The following TSPEAR variants were observed in gnomAD, a reference collection of about 807,000 sequenced individuals.
The protein encoded by TSPEAR is thrombospondin-type laminin G domain and EAR repeat-containing protein.
TSPEAR carries 69 observed loss-of-function variants against 71.6 expected under a neutral mutation model. The ratio of observed to expected loss-of-function variants is 0.96; its 90% CI spans 0.79 to 1.18. The LOEUF is 1.18. Ranked by LOEUF, TSPEAR falls within the 50% of genes most tolerant of loss-of-function variation. The pLI, the probability that TSPEAR is intolerant of heterozygous loss-of-function variation, is 0.00. For missense variants in TSPEAR, 971 were observed against 894.9 expected, an observed-to-expected ratio of 1.09 and a Z score of -1.09; for synonymous variants, 402 against 387.2, an observed-to-expected ratio of 1.04 and a Z score of -0.45.
chr21:44,697,898 TC>T, intron 1 of TSPEAR: 1 of 1,612,524 alleles, frequency 6.2e-7, no homozygotes, highest in Non-Finnish European at 8.5e-7. Flanking sequence ...CTCCTGCGGG[TC>T]CCTCCTCTGC....
rs201563690 is a variant in TSPEAR at position 44,601,499 on chromosome 21, G to A, written c.83-33494C>T. The A allele has an allele frequency of 1.1e-3, 1,725 of 1,612,800 alleles. 3 individuals carry two copies. Among genetic ancestry groups the A allele is most frequent in the South Asian group, 3.1e-3 (285 of 90,934 alleles). ...ACTTCATGCTGCCAGCAGTCTAGCTGCCAGCCGGCTTGCTGCACCACCTCC... is the reference window on the plus strand; with the variant it reads ...ACTTCATGCTGCCAGCAGTCTAGCTACCAGCCGGCTTGCTGCACCACCTCC... On this transcript the variant is annotated intron_variant, in intron 1 of 11. Transcript: ENST00000323084.
chr21:44,705,407 A>G (rs1987860803), intron 1 of TSPEAR, among the ~76,000 whole-genome samples: 1 of 152,270 alleles, frequency 6.6e-6, no homozygotes, highest in Admixed American at 6.5e-5. Flanking sequence ...TCAGGGAATA[A>G]GAGAGATAAC....
intron 2 of TSPEAR, chr21:44,550,794 G>A (rs2053404261): frequency 6.2e-7 from 1 of 1,612,350 alleles, no homozygotes. Context: ...GCAGCAGGAG[G>A]AGGTGCAGCA....
At chr21:44,621,214 A>T (rs1555933450) in intron 1 of TSPEAR, among the ~76,000 whole-genome samples, 1 of 152,216 alleles carries the variant, frequency 6.6e-6, no homozygotes, top group African/African-American at 2.4e-5. Context: ...TTCCTTATTG[A>T]ATAAAAATTT....
chr21:44,637,436 T>C, intron 1 of TSPEAR: 3 of 1,609,136 alleles, frequency 1.9e-6, no homozygotes, highest in Non-Finnish European at 2.5e-6. Context: ...CTCCACCATG[T>C]CCATCTGCTC....
chr21:44,677,304 CACTTAGCA>C (rs1399869636), intron 1 of TSPEAR: 2 of 888,738 alleles, frequency 2.3e-6, no homozygotes, highest in African/African-American at 3.3e-5. Flanking sequence ...CACTGTGTGC[CACTTAGCA>C]GACTTCTTCT....
At chr21:44,659,856 T>C (rs781907663) in intron 1 of TSPEAR, among the ~76,000 whole-genome samples, 2 of 152,200 alleles carry the variant, frequency 1.3e-5, no homozygotes, top group Non-Finnish European at 2.9e-5. Flanking sequence ...ACAATAACTA[T>C]AATGAATAGA....
At chr21:44,545,107 C>T (rs2053280399) in intron 2 of TSPEAR, among the ~76,000 whole-genome samples, 1 of 151,504 alleles carries the variant, frequency 6.6e-6, no homozygotes, top group East Asian at 1.9e-4. Flanking sequence ...ATCACAAGGT[C>T]AGGAGATCGA....
intron 1 of TSPEAR, chr21:44,580,629 G>A (rs782175581): frequency 1.9e-6 from 3 of 1,545,326 alleles, no homozygotes; most frequent in Admixed American, 3.5e-5. Flanking sequence ...GTGAGTGAGT[G>A]AGTGTGTGAG....
rs138358770 is a variant in TSPEAR at position 44,504,857 on chromosome 21, C to T, written c.1779G>A (p.Ser593=). The stretch of plus-strand genomic sequence containing the variant: ...CCACCAGGAAATAATCTTCTCCCAC[C>T]GAGAAAAACTCCCAGTCCAGAGCAC... ...TCSALDWEFF[S]VGEDYFLVVA... is the part of the protein sequence containing the mutation. Residue 593 remains serine, a synonymous_variant, in exon 11 of 12, where the codon TCG becomes TCA. Transcript: ENST00000323084. 1,229 of 1,613,772 alleles carry T rather than the reference C, an allele frequency of 7.6e-4. 10 individuals are homozygous for T. In the African/African-American group the frequency reaches 0.014, roughly 18 times the overall value.
intron 2 of TSPEAR, among the ~76,000 whole-genome samples, chr21:44,545,405 A>AGG (rs1555917665): frequency 2.6e-5 from 4 of 152,168 alleles, no homozygotes; most frequent in Non-Finnish European, 5.9e-5. Flanking sequence ...AGAACCCCCT[A>AGG]AACAGGTCTA....
intron 1 of TSPEAR, among the ~76,000 whole-genome samples, chr21:44,633,898 A>G (rs1243664060): frequency 1.3e-5 from 2 of 152,036 alleles, no homozygotes; most frequent in African/African-American, 2.4e-5. Flanking sequence ...TATGCTTGAT[A>G]TATCTTGGGG....
Position 44,711,399 on chromosome 21 carries a change from T to C in TSPEAR, c.82+34A>G. The C allele has an allele frequency of 3.9e-6, 6 of 1,554,306 alleles. No homozygotes were observed. The highest frequency in any genetic ancestry group is 1.9e-5 in the Admixed American group (1 of 51,718). ...CACCCCTCCCAGCTCCCCGGCAAGA[T>C]ACCCCCGCCCGAGTTCCCATGCCCC... On this transcript the variant is annotated intron_variant, in intron 1 of 11. Transcript: ENST00000323084. The surrounding 1 kb of genome is among the most constrained non-coding windows in gnomAD (Gnocchi z 4.5).
At chr21:44,545,047 C>T (rs587613398) in intron 2 of TSPEAR, among the ~76,000 whole-genome samples, 24 of 151,304 alleles carry the variant, frequency 1.6e-4, no homozygotes, top group Non-Finnish European at 2.2e-4. Flanking sequence ...AGGCCAGGCG[C>T]GGTGGCTCAC....
At chr21:44,532,150 C>T (rs957371064) in intron 3 of TSPEAR, among the ~76,000 whole-genome samples, 2 of 152,242 alleles carry the variant, frequency 1.3e-5, no homozygotes, top group South Asian at 4.1e-4. Flanking sequence ...TCTTCCGTGG[C>T]CACAATTGGT....
chr21:44,509,227 C>CA lies in TSPEAR; in HGVS notation c.1725dup (p.Val576CysfsTer118). On this transcript the variant is annotated frameshift_variant, in exon 10 of 12. Coordinates refer to ENST00000323084, the MANE Select transcript of TSPEAR (RefSeq NM_144991.3). LOFTEE classifies it high-confidence loss of function. ...CAGGTGAGAATGTCCTGGAACTTGA[C>CA]AAAGGCCTGCGCGGTCACGTTCAGC... The CA allele has an allele frequency of 6.2e-7, 1 of 1,614,020 alleles. No homozygotes were observed. The highest frequency in any genetic ancestry group is 8.5e-7 in the Non-Finnish European group (1 of 1,180,004).
At chr21:44,570,751 AC>A (rs2053781334) in intron 1 of TSPEAR, among the ~76,000 whole-genome samples, 1 of 152,174 alleles carries the variant, frequency 6.6e-6, no homozygotes. Flanking sequence ...AACTGATTAA[AC>A]CCAAGCTGGT....
intron 1 of TSPEAR, chr21:44,697,597 C>G: frequency 1.5e-5 from 25 of 1,614,098 alleles, no homozygotes; most frequent in Non-Finnish European, 2.1e-5. Context: ...CTTCATGCTG[C>G]CAGCAGTCTA....
chr21:44,703,490 C>A (rs1211040552), intron 1 of TSPEAR, among the ~76,000 whole-genome samples: 1 of 152,206 alleles, frequency 6.6e-6, no homozygotes, highest in Non-Finnish European at 1.5e-5. Context: ...AGGTTGGCTT[C>A]TGTGCAGGGC....
Sources: gnomAD v4.1 joint callset for allele counts (sites outside exome capture counted in the v4.1 genomes callset) on GRCh38, gnomAD v4.1.1 for gene constraint, Gnocchi (gnomAD v3.1) non-coding constraint, MANE v1.5 for transcripts, NCBI Gene and HGNC (gene_info 2026-07-23, HGNC 2026-07-21) for gene names.